Variants in HS3ST3A1 observed in about 807,000 individuals in gnomAD.
HS3ST3A1 encodes heparan sulfate-glucosamine 3-sulfotransferase 3A1, also known as heparan sulfate glucosamine 3-O-sulfotransferase 3A1.
HS3ST3A1 carries 19 observed loss-of-function variants against 25.7 expected under a neutral mutation model. The observed-to-expected ratio is 0.74, with a 90% CI of 0.52 to 1.08. The LOEUF (loss-of-function observed/expected upper bound fraction) is 1.08. Among genes scored for constraint, HS3ST3A1 ranks in the 50% least tolerant of loss-of-function variants. HS3ST3A1 has a pLI of 0.00. For synonymous variants in HS3ST3A1, 226 were observed against 278.6 expected (o/e 0.81, Z 1.88); for missense variants, 459 against 594.3 (o/e 0.77, Z 2.37).
At chr17:13,529,517 A>C (rs1906536948) in intron 1 of HS3ST3A1, among the ~76,000 whole-genome samples, 1 of 152,208 alleles carries the variant, frequency 6.6e-6, no homozygotes, top group Non-Finnish European at 1.5e-5. Flanking sequence ...TTTCATTAAA[A>C]TGCTTTCCAC....
chr17:13,538,431 C>T (rs1218485466), intron 1 of HS3ST3A1, among the ~76,000 whole-genome samples: 3 of 152,198 alleles, frequency 2.0e-5, no homozygotes, highest in Admixed American at 6.5e-5. Flanking sequence ...ATTCCGCTTA[C>T]CCCGGTTACC....
chr17:13,509,323 A>G (rs1165358097), intron 1 of HS3ST3A1, among the ~76,000 whole-genome samples: 2 of 152,252 alleles, frequency 1.3e-5, no homozygotes, highest in African/African-American at 4.8e-5. Context: ...ACCCTGGGAA[A>G]CAAACAAACT....
At chr17:13,563,660 T>C (rs959273626) in intron 1 of HS3ST3A1, among the ~76,000 whole-genome samples, 2 of 152,112 alleles carry the variant, frequency 1.3e-5, no homozygotes, top group African/African-American at 4.8e-5. Context: ...AATCACTAAG[T>C]CAATGGAGTT....
In HS3ST3A1 at chr17:13,601,481, G is replaced by C. The variant is rs912810212; in HGVS notation, c.-352C>G. 1 of 229,860 alleles carries C rather than the reference G, an allele frequency of 4.4e-6. No homozygotes were observed. Among genetic ancestry groups the C allele is most frequent in the African/African-American group, 2.3e-5 (1 of 43,870 alleles). 14.2% of individuals were successfully genotyped at this position (229,860 alleles called of 1,614,324 possible). ...GAATCGGGGTCTTGGCAGCGGTGTC[G>C]AAGGCGTGCGTCTCAGCCCCGGCCC... On this transcript the variant is annotated 5_prime_UTR_variant, in exon 1 of 2. Transcript: ENST00000284110.
At position 13,601,653 on chromosome 17, in the gene HS3ST3A1, T is replaced by A. The variant is rs993357626; in HGVS notation, c.-524A>T. ...AGTGACTTCCAGCCCCGGCTTTCTC[T>A]GGTCCCCTTGCCCGCCTGGGCGCGT... On this transcript the variant is annotated 5_prime_UTR_variant, in exon 1 of 2. Coordinates refer to ENST00000284110, the MANE Select transcript of HS3ST3A1 (RefSeq NM_006042.3). 6.5e-6 allele frequency: 1 copy of A among 153,218 alleles called. No individual in the cohort carries two copies. The highest frequency in any genetic ancestry group is 2.4e-5 in the African/African-American group (1 of 41,492). The allele number at this position is 153,218 out of a possible 1,614,324, so 9.5% of individuals were successfully genotyped here.
chr17:13,582,392 C>T (rs1438069370), intron 1 of HS3ST3A1, among the ~76,000 whole-genome samples: 2 of 152,186 alleles, frequency 1.3e-5, no homozygotes, highest in Admixed American at 6.5e-5. Context: ...TTTTTAAGAA[C>T]TTCCTGTTTA....
intron 1 of HS3ST3A1, among the ~76,000 whole-genome samples, chr17:13,546,022 C>A (rs1387157741): frequency 1.3e-5 from 2 of 152,034 alleles, no homozygotes; most frequent in African/African-American, 4.8e-5. Flanking sequence ...TCTCCAGCCT[C>A]TTGCCAGCTC....
At chr17:13,591,038 T>TTTTTC (rs1491445828) in intron 1 of HS3ST3A1, among the ~76,000 whole-genome samples, 2 of 149,310 alleles carry the variant, frequency 1.3e-5, no homozygotes, top group African/African-American at 5.1e-5. Context: ...ATTTATTTTC[T>TTTTTC]TTTTCTTTTC....
intron 1 of HS3ST3A1, among the ~76,000 whole-genome samples, chr17:13,545,184 C>A (rs546291704): frequency 1.3e-5 from 2 of 152,186 alleles, no homozygotes; most frequent in Non-Finnish European, 2.9e-5. Context: ...CCAAGATCAC[C>A]CATGAATAAA....
chr17:13,554,789 T>G (rs748178575), intron 1 of HS3ST3A1, among the ~76,000 whole-genome samples: 2 of 152,110 alleles, frequency 1.3e-5, no homozygotes, highest in Non-Finnish European at 2.9e-5. Context: ...TCCCTGAGGA[T>G]TTAACAGATA....
chr17:13,519,272 T>G (rs946749423), intron 1 of HS3ST3A1, among the ~76,000 whole-genome samples: 1 of 152,368 alleles, frequency 6.6e-6, no homozygotes, highest in African/African-American at 2.4e-5. Flanking sequence ...GTCTGAATGG[T>G]TACAGAACTA....
intron 1 of HS3ST3A1, among the ~76,000 whole-genome samples, chr17:13,500,218 AC>A (rs1360772871): frequency 6.6e-6 from 1 of 152,230 alleles, no homozygotes; most frequent in African/African-American, 2.4e-5. Flanking sequence ...AATGTCTATA[AC>A]TTGGAAATTG....
chr17:13,549,810 A>G (rs1279878453), intron 1 of HS3ST3A1, among the ~76,000 whole-genome samples: 1 of 152,196 alleles, frequency 6.6e-6, no homozygotes, highest in Non-Finnish European at 1.5e-5. Context: ...TCACGAAACT[A>G]GTTTATTTTA....
At chr17:13,512,450 C>T (rs1293153027) in intron 1 of HS3ST3A1, among the ~76,000 whole-genome samples, 3 of 152,034 alleles carry the variant, frequency 2.0e-5, no homozygotes, top group Non-Finnish European at 2.9e-5. Flanking sequence ...ACAGGCATGA[C>T]GTTTCCTTTT....
At position 13,578,562 on chromosome 17, in the gene HS3ST3A1, CAAA is replaced by C. The variant is rs536270780; in HGVS notation, c.599+21966_599+21968del. Among the ~76,000 whole-genome samples the C allele has an allele frequency of 7.0e-3, 598 of 85,788 alleles. 3 individuals carry two copies. The highest frequency in any genetic ancestry group is 0.021 in the African/African-American group (506 of 23,652). The allele number at this position is 85,788 out of a possible 152,430, so 56.3% of individuals were successfully genotyped here. On this transcript the variant is annotated intron_variant, in intron 1 of 1. Transcript: ENST00000284110. ...CGGGTGACAGAGCCAGACTCCATCTCAAAAAAAAAAAAAAAAAAAAGTCAGGGT... is the reference window on the plus strand; with the variant it reads ...CGGGTGACAGAGCCAGACTCCATCTCAAAAAAAAAAAAAAAAAGTCAGGGT...
chr17:13,578,223 T>C (rs773749218), intron 1 of HS3ST3A1, among the ~76,000 whole-genome samples: 2 of 151,944 alleles, frequency 1.3e-5, no homozygotes, highest in Non-Finnish European at 2.9e-5. Flanking sequence ...CCATGCAATC[T>C]TTTAAAAAAT....
intron 1 of HS3ST3A1, among the ~76,000 whole-genome samples, chr17:13,561,821 T>C (rs1040511863): frequency 4.6e-5 from 7 of 151,964 alleles, no homozygotes; most frequent in African/African-American, 1.7e-4. Flanking sequence ...AAGCGCAAAA[T>C]GACAGAGCTG....
chr17:13,592,807 A>G (rs1488525624), intron 1 of HS3ST3A1, among the ~76,000 whole-genome samples: 3 of 152,198 alleles, frequency 2.0e-5, no homozygotes, highest in Non-Finnish European at 4.4e-5. Flanking sequence ...AGCCCAGATA[A>G]ACATAACTGT....
intron 1 of HS3ST3A1, among the ~76,000 whole-genome samples, chr17:13,509,890 CTA>C (rs913615074): frequency 1.4e-4 from 21 of 152,276 alleles, no homozygotes; most frequent in African/African-American, 4.8e-4. Context: ...ACTGTTCTTT[CTA>C]TGTTACATTA....
Sources: gnomAD v4.1 joint callset for allele counts (sites outside exome capture counted in the v4.1 genomes callset) on GRCh38, gnomAD v4.1.1 for gene constraint, MANE v1.5 for transcripts, NCBI Gene and HGNC (gene_info 2026-07-23, HGNC 2026-07-21) for gene names.